ST8SIA5: variants seen among roughly 807,000 people sequenced by gnomAD.
The protein encoded by ST8SIA5 is ST8 alpha-N-acetyl-neuraminide alpha-2,8-sialyltransferase 5, also known as alpha-2,8-sialyltransferase 8E.
ST8SIA5 carries 24 observed loss-of-function variants against 40.2 expected under a neutral mutation model. The ratio of observed to expected loss-of-function variants is 0.60; its 90% CI spans 0.43 to 0.84. The LOEUF (loss-of-function observed/expected upper bound fraction) is 0.84, where lower values mean the gene tolerates loss of function less well. Among genes scored for constraint, ST8SIA5 ranks in the 40% least tolerant of loss-of-function variants. The probability of loss-of-function intolerance (pLI) is 0.00; values close to 1 mark genes in which losing one functional copy is unlikely to be tolerated. For missense variants in ST8SIA5, 465 were observed against 498.5 expected (o/e 0.93, Z 0.64); for synonymous variants, 198 against 201.8 (o/e 0.98, Z 0.16).
At chr18:46,686,074 G>T in intron 5 of ST8SIA5, 100 bp downstream of exon 5, 3 of 1,104,490 alleles carry the variant, frequency 2.7e-6, no homozygotes, top group Non-Finnish European at 2.7e-6. Context: ...GTGGGAAGTG[G>T]GGATTACTTG....
At chr18:46,739,497 G>A (rs1457004321) in intron 1 of ST8SIA5, among the ~76,000 whole-genome samples, 1 of 152,206 alleles carries the variant, frequency 6.6e-6, no homozygotes, top group African/African-American at 2.4e-5. Context: ...TAGCGCCACT[G>A]CACTCCAGCA....
At chr18:46,704,471 G>A in intron 2 of ST8SIA5, 101 bp downstream of exon 2, 1 of 1,029,804 alleles carries the variant, frequency 9.7e-7, no homozygotes, top group South Asian at 1.4e-5. Context: ...AACCTACCAT[G>A]TGTTTCCTGT....
chr18:46,743,177 C>T (rs560604272), intron 1 of ST8SIA5, among the ~76,000 whole-genome samples: 2 of 152,308 alleles, frequency 1.3e-5, no homozygotes, highest in South Asian at 2.1e-4. Flanking sequence ...CACAGCTCCT[C>T]GCCAGCAATG....
chr18:46,710,411 C>CTGTCTTTTTCTTTCTCTTTCTTTCTT (rs1215737889), intron 1 of ST8SIA5, among the ~76,000 whole-genome samples: 2 of 128,660 alleles, frequency 1.6e-5, no homozygotes, highest in East Asian at 4.8e-4. Context: ...TTCTTTCTTT[C>CTGTCTTTTTCTTTCTCTTTCTTTCTT]TTTCTTTTTC....
Position 46,702,101 on chromosome 18 carries a change from G to A in ST8SIA5, c.224+2471C>T, listed in dbSNP as rs1282134600. On this transcript the variant is annotated intron_variant, in intron 2 of 6. Coordinates refer to ENST00000315087, the MANE Select transcript of ST8SIA5 (RefSeq NM_013305.6). The stretch of plus-strand genomic sequence containing the variant: ...GACAGAGGTTGCAGTGAGGCGAGAT[G>A]GCACCACTGCACTCCAGCCTGGGTG... Among the ~76,000 whole-genome samples the A allele has an allele frequency of 2.0e-5, 3 of 150,410 alleles. No individual in the cohort carries two copies. In the East Asian group the frequency reaches 5.9e-4, roughly 29 times the overall value.
At chr18:46,723,139 G>C (rs1219203578) in intron 1 of ST8SIA5, 1 of 163,930 alleles carries the variant, frequency 6.1e-6, no homozygotes, top group Admixed American at 6.1e-5. Flanking sequence ...GTTATCCAGA[G>C]GGCCATTCGC....
intron 1 of ST8SIA5, among the ~76,000 whole-genome samples, chr18:46,720,318 G>A (rs12956914): frequency 0.52 from 79,006 of 151,890 alleles, 21,269 homozygotes; most frequent in Middle Eastern, 0.61. Flanking sequence ...CCTTACCCGT[G>A]ATGTCCAGAG....
chr18:46,698,155 C>T (rs966087139), intron 2 of ST8SIA5, among the ~76,000 whole-genome samples: 1 of 149,802 alleles, frequency 6.7e-6, no homozygotes, highest in African/African-American at 2.5e-5. Flanking sequence ...ACCCAACAAT[C>T]CACCACACCA....
chr18:46,720,123 G>C (rs2039847099), intron 1 of ST8SIA5, among the ~76,000 whole-genome samples: 1 of 152,158 alleles, frequency 6.6e-6, no homozygotes, highest in Non-Finnish European at 1.5e-5. Flanking sequence ...ACGGGCATGA[G>C]CCACCATGCT....
intron 1 of ST8SIA5, among the ~76,000 whole-genome samples, chr18:46,743,022 A>T (rs1355166906): frequency 6.6e-6 from 1 of 152,154 alleles, no homozygotes; most frequent in South Asian, 2.1e-4. Context: ...TAGCATCAAC[A>T]TCAACAAAAA....
At chr18:46,735,317 C>T (rs918235039) in intron 1 of ST8SIA5, among the ~76,000 whole-genome samples, 2 of 152,204 alleles carry the variant, frequency 1.3e-5, no homozygotes, top group Non-Finnish European at 2.9e-5. Flanking sequence ...GTCAATACTC[C>T]TTAATAAACT....
chr18:46,710,176 T>C (rs2039708497), intron 1 of ST8SIA5, among the ~76,000 whole-genome samples: 1 of 152,156 alleles, frequency 6.6e-6, no homozygotes, highest in African/African-American at 2.4e-5. Context: ...ATGATGCTGG[T>C]GCCAGGCTGC....
At chr18:46,721,343 C>CT in intron 1 of ST8SIA5, 1 of 1,535,526 alleles carries the variant, frequency 6.5e-7, no homozygotes, top group Non-Finnish European at 8.7e-7. Flanking sequence ...ACTCCCTGGC[C>CT]TTTTGCCGGG....
Position 46,669,840 on chromosome 18 carries a change from G to A in ST8SIA5, c.*10202C>T, listed in dbSNP as rs892372149. 3 of 152,170 alleles carry A rather than the reference G, an allele frequency of 2.0e-5. No individual in the cohort carries two copies. The highest frequency in any genetic ancestry group is 2.9e-5 in the Non-Finnish European group (2 of 68,046). 9.4% of individuals were successfully genotyped at this position (152,170 alleles called of 1,614,324 possible). On this transcript the variant is annotated 3_prime_UTR_variant, in exon 7 of 7. Transcript: ENST00000315087. ...TAATCCCAGCACTTTGGGAGGAGGA[G>A]GTGGGCGAATCACGAGGTCAGGAGT...
intron 1 of ST8SIA5, among the ~76,000 whole-genome samples, chr18:46,736,640 T>G (rs1273723802): frequency 6.6e-6 from 1 of 152,158 alleles, no homozygotes; most frequent in African/African-American, 2.4e-5. Flanking sequence ...TAGGAAGTAT[T>G]GATCCTTTGA....
At chr18:46,718,697 C>A (rs967567846) in intron 1 of ST8SIA5, among the ~76,000 whole-genome samples, 1 of 152,096 alleles carries the variant, frequency 6.6e-6, no homozygotes, top group Non-Finnish European at 1.5e-5. Context: ...ATATTTGGTA[C>A]TTCCTGACTT....
chr18:46,703,850 G>A (rs2039642497), intron 2 of ST8SIA5, among the ~76,000 whole-genome samples: 1 of 152,138 alleles, frequency 6.6e-6, no homozygotes, highest in Non-Finnish European at 1.5e-5. Context: ...TTCTGTGAAG[G>A]GCGGAAACCC....
chr18:46,726,548 T>C (rs924625666), intron 1 of ST8SIA5, among the ~76,000 whole-genome samples: 1 of 150,860 alleles, frequency 6.6e-6, no homozygotes, highest in Non-Finnish European at 1.5e-5. Context: ...TTCTCAGTCA[T>C]GACTGCATGA....
intron 1 of ST8SIA5, among the ~76,000 whole-genome samples, chr18:46,717,132 C>T (rs1380312788): frequency 1.3e-5 from 2 of 152,298 alleles, no homozygotes; most frequent in African/African-American, 2.4e-5. Context: ...ATGAGGGCAC[C>T]GCTGCCTCCC....
Sources: gnomAD v4.1 joint callset for allele counts (sites outside exome capture counted in the v4.1 genomes callset) on GRCh38, gnomAD v4.1.1 for gene constraint, MANE v1.5 for transcripts, NCBI Gene and HGNC (gene_info 2026-07-23, HGNC 2026-07-21) for gene names.